RSRC1: variants seen among roughly 807,000 people sequenced by gnomAD.
RSRC1 encodes arginine and serine rich coiled-coil 1.
Under a neutral mutation model 49.1 loss-of-function variants are expected in RSRC1, and 39 were observed. The ratio of observed to expected loss-of-function variants is 0.79; its 90% confidence interval spans 0.61 to 1.04. RSRC1 has a LOEUF of 1.04. RSRC1 is among the 50% of genes least tolerant of loss of function. The pLI, the probability that RSRC1 is intolerant of heterozygous loss-of-function variation, is 0.00. For synonymous variants in RSRC1, 143 were observed against 130.8 expected (o/e 1.09, Z -0.63); for missense variants, 388 against 402.4 (o/e 0.96, Z 0.31).
At chr3:158,116,116 C>T (rs1201867931) in intron 1 of RSRC1, among the ~76,000 whole-genome samples, 5 of 152,098 alleles carry the variant, frequency 3.3e-5, no homozygotes, top group Non-Finnish European at 2.9e-5. Flanking sequence ...CCGATGATCT[C>T]GGAAGTTTTT....
chr3:158,238,285 C>T (rs1031916957), intron 4 of RSRC1, among the ~76,000 whole-genome samples: 19 of 152,102 alleles, frequency 1.2e-4, no homozygotes, highest in Non-Finnish European at 1.8e-4. Context: ...AAAATGGCCA[C>T]ACTGCCCAAG....
At chr3:158,540,290 C>T (rs1289721654) in intron 8 of RSRC1, among the ~76,000 whole-genome samples, 1 of 151,910 alleles carries the variant, frequency 6.6e-6, no homozygotes, top group Non-Finnish European at 1.5e-5. Flanking sequence ...AATAAAGCTG[C>T]CAAAACAAAT....
intron 4 of RSRC1, among the ~76,000 whole-genome samples, chr3:158,259,067 G>A (rs1454015338): frequency 6.6e-6 from 1 of 152,036 alleles, no homozygotes; most frequent in Non-Finnish European, 1.5e-5. Flanking sequence ...ACCTTGTTGA[G>A]TTTCTTTGGT....
At chr3:158,492,566 A>G (rs936112519) in intron 7 of RSRC1, among the ~76,000 whole-genome samples, 1 of 152,126 alleles carries the variant, frequency 6.6e-6, no homozygotes, top group South Asian at 2.1e-4. Context: ...AGGTGGAGAA[A>G]TTCTCTTTAT....
intron 4 of RSRC1, among the ~76,000 whole-genome samples, chr3:158,283,901 A>G (rs1367956841): frequency 6.8e-6 from 1 of 146,652 alleles, no homozygotes; most frequent in Non-Finnish European, 1.5e-5. Context: ...TTTTACTATT[A>G]TTATTATACT....
At chr3:158,260,925 G>C (rs546330486) in intron 4 of RSRC1, among the ~76,000 whole-genome samples, 3 of 152,282 alleles carry the variant, frequency 2.0e-5, no homozygotes, top group Admixed American at 6.5e-5. Flanking sequence ...GCACCACATG[G>C]CTGCTGCTGG....
intron 5 of RSRC1, among the ~76,000 whole-genome samples, chr3:158,344,780 A>G (rs1211025530): frequency 6.6e-6 from 1 of 152,258 alleles, no homozygotes; most frequent in East Asian, 1.9e-4. Flanking sequence ...TTATTGCAAT[A>G]TATGACAACA....
intron 3 of RSRC1, among the ~76,000 whole-genome samples, chr3:158,150,332 A>G (rs1326396743): frequency 6.6e-6 from 1 of 152,232 alleles, no homozygotes; most frequent in African/African-American, 2.4e-5. Context: ...TCCCCATAGC[A>G]TAAAACCAAA....
intron 3 of RSRC1, among the ~76,000 whole-genome samples, chr3:158,125,054 A>G (rs191633438): frequency 1.7e-4 from 26 of 151,930 alleles, no homozygotes; most frequent in Admixed American, 1.0e-3. Flanking sequence ...CCTGGTGTCA[A>G]CTGGTCCTCC....
intron 6 of RSRC1, among the ~76,000 whole-genome samples, chr3:158,447,561 A>AT (rs1396007922): frequency 6.6e-6 from 1 of 151,988 alleles, no homozygotes; most frequent in Non-Finnish European, 1.5e-5. Context: ...CAGAACTGTT[A>AT]TAACTCTTGA....
chr3:158,498,375 G>T (rs1470594620), intron 7 of RSRC1, among the ~76,000 whole-genome samples: 2 of 151,896 alleles, frequency 1.3e-5, no homozygotes, highest in East Asian at 3.9e-4. Context: ...TTTGAGAATT[G>T]TCTATTCATG....
rs145534898 is a variant in RSRC1, at chr3:158,229,675, A to G, written c.494+26430A>G. 3.3e-3 allele frequency among the ~76,000 whole-genome samples: 508 copies of G among 152,016 alleles called. 4 individuals carry two copies. The highest frequency in any genetic ancestry group is 0.012 in the African/African-American group (489 of 41,502). ...TTATTTGATACAATTTCACATTAAC[A>G]AAGAAGTTGCAAGAAGAGCATAAAG... On this transcript the variant is annotated intron_variant, in intron 4 of 9. Transcript: ENST00000611884.
chr3:158,117,612 A>C (rs1305459772), intron 1 of RSRC1, among the ~76,000 whole-genome samples: 1 of 141,742 alleles, frequency 7.1e-6, no homozygotes, highest in African/African-American at 2.7e-5. Context: ...ATTTTTGGGT[A>C]ATTTTTTTTT....
At chr3:158,184,977 A>G (rs968872027) in intron 3 of RSRC1, among the ~76,000 whole-genome samples, 2 of 151,836 alleles carry the variant, frequency 1.3e-5, no homozygotes, top group Non-Finnish European at 2.9e-5. Flanking sequence ...TGTTGATTAC[A>G]AAGCACATAG....
Position 158,543,495 on chromosome 3 carries a change from C to T in RSRC1, c.912+8C>T, listed in dbSNP as rs1472514211. ...TCCCTGGCCCATCCAAATGTAATAT[C>T]CTTAAACTTTACGAATGTCAGTTGA... On this transcript the variant is annotated splice_region_variant and intron_variant, in intron 9 of 9. Coordinates refer to ENST00000611884, the MANE Select transcript of RSRC1 (RefSeq NM_001271838.2). 3.1e-6 allele frequency: 5 copies of T among 1,588,448 alleles called. No homozygotes were observed. The Admixed American group carries it at 5.5e-5, about 17-fold the overall frequency.
chr3:158,446,100 T>G (rs773962339), intron 6 of RSRC1, among the ~76,000 whole-genome samples: 1 of 152,068 alleles, frequency 6.6e-6, no homozygotes, highest in Non-Finnish European at 1.5e-5. Context: ...TGATAAAATA[T>G]TGATAATGAT....
chr3:158,500,674 G>T (rs1163161117), intron 7 of RSRC1, among the ~76,000 whole-genome samples: 1 of 152,068 alleles, frequency 6.6e-6, no homozygotes, highest in Admixed American at 6.5e-5. Flanking sequence ...AGCCTTGAAT[G>T]ATCTACAAAA....
At chr3:158,508,778 T>C (rs1310080592) in intron 7 of RSRC1, among the ~76,000 whole-genome samples, 1 of 152,164 alleles carries the variant, frequency 6.6e-6, no homozygotes, top group East Asian at 1.9e-4. Context: ...TTTTGTAGTA[T>C]CTCATCACGT....
intron 6 of RSRC1, among the ~76,000 whole-genome samples, chr3:158,355,745 T>C (rs896590039): frequency 1.3e-5 from 2 of 152,034 alleles, no homozygotes; most frequent in Non-Finnish European, 2.9e-5. Context: ...ATATAACTTA[T>C]TCAAACAATA....
Sources: gnomAD v4.1 joint callset for allele counts (sites outside exome capture counted in the v4.1 genomes callset) on GRCh38, gnomAD v4.1.1 for gene constraint, MANE v1.5 for transcripts, NCBI Gene and HGNC (gene_info 2026-07-23, HGNC 2026-07-21) for gene names.